CDC42BPA: variants seen among roughly 807,000 people sequenced by gnomAD.
The protein encoded by CDC42BPA is serine/threonine-protein kinase MRCK alpha.
Under a neutral mutation model 223.5 loss-of-function variants are expected in CDC42BPA, and 80 were observed. The ratio of observed to expected loss-of-function variants is 0.36; its 90% CI spans 0.30 to 0.43. The LOEUF (loss-of-function observed/expected upper bound fraction) is 0.43, where lower values mean the gene tolerates loss of function less well. CDC42BPA is among the 20% of genes least tolerant of loss of function. The pLI, the probability that CDC42BPA is intolerant of heterozygous loss-of-function variation, is 1.00. For missense variants in CDC42BPA, 1,743 were observed against 2,099.9 expected, an observed-to-expected ratio of 0.83 and a Z score of 3.32; for synonymous variants, 694 against 718.6, an observed-to-expected ratio of 0.97 and a Z score of 0.55.
At chr1:227,078,619 T>C (rs891006889) in intron 17 of CDC42BPA, among the ~76,000 whole-genome samples, 10 of 151,662 alleles carry the variant, frequency 6.6e-5, no homozygotes, top group Admixed American at 3.9e-4. Context: ...TCTAAAAGAG[T>C]TTCTGATGAA....
At chr1:227,288,555 C>T (rs544395722) in intron 1 of CDC42BPA, among the ~76,000 whole-genome samples, 5 of 151,970 alleles carry the variant, frequency 3.3e-5, no homozygotes, top group African/African-American at 4.8e-5. Flanking sequence ...AAAAATTAGC[C>T]GGGCGTGGTG....
At chr1:227,115,539 A>G (rs548541927) in intron 12 of CDC42BPA, among the ~76,000 whole-genome samples, 1 of 152,102 alleles carries the variant, frequency 6.6e-6, no homozygotes, top group Non-Finnish European at 1.5e-5. Flanking sequence ...TAGTGAATAT[A>G]AAGACGATCT....
intron 3 of CDC42BPA, among the ~76,000 whole-genome samples, chr1:227,210,044 T>TG (rs1180639986): frequency 6.6e-6 from 1 of 152,006 alleles, no homozygotes; most frequent in Non-Finnish European, 1.5e-5. Context: ...CTCCTGTTAT[T>TG]GGTCTATTCA....
chr1:227,184,407 C>A (rs1466295184), intron 5 of CDC42BPA, among the ~76,000 whole-genome samples: 1 of 150,542 alleles, frequency 6.6e-6, no homozygotes, highest in Non-Finnish European at 1.5e-5. Flanking sequence ...TTTTTGGTCT[C>A]TTATTTGAGC....
At chr1:227,282,967 T>C (rs1280299655) in intron 1 of CDC42BPA, among the ~76,000 whole-genome samples, 1 of 152,098 alleles carries the variant, frequency 6.6e-6, no homozygotes, top group African/African-American at 2.4e-5. Flanking sequence ...AACTATACAC[T>C]TAAAAAAGAT....
intron 5 of CDC42BPA, among the ~76,000 whole-genome samples, chr1:227,163,183 T>C (rs1268053769): frequency 1.3e-5 from 2 of 152,064 alleles, no homozygotes; most frequent in African/African-American, 4.8e-5. Flanking sequence ...TCCAAACATA[T>C]GTGTGTATGT....
intron 1 of CDC42BPA, among the ~76,000 whole-genome samples, chr1:227,302,784 ATTT>A (rs768701851): frequency 1.3e-5 from 2 of 150,008 alleles, no homozygotes; most frequent in Non-Finnish European, 3.0e-5. Flanking sequence ...TGGTCCTCTA[ATTT>A]TCTCCTCTAT....
chr1:227,051,932 G>T lies in CDC42BPA; in HGVS notation c.2958C>A (p.Ile986=). The stretch of plus-strand genomic sequence containing the variant: ...TGGAAGGAGATGTGGACCGTGACTG[G>T]ATGTGAAACTTGACGCTCGGGTTCC... ...YVWNPSVKFH[I]QSRSTSPSTS... Residue 986 remains isoleucine (I), a synonymous_variant, in exon 22 of 37, where the codon ATC becomes ATA. Coordinates refer to ENST00000366766, the MANE Select transcript of CDC42BPA (RefSeq NM_001394014.1). 7.3e-7 allele frequency: 1 copy of T among 1,366,540 alleles called. No individual in the cohort carries two copies. The highest frequency in any genetic ancestry group is 1.1e-5 in the South Asian group (1 of 88,046). 84.7% of individuals were successfully genotyped at this position (1,366,540 alleles called of 1,614,324 possible). A position where few individuals can be genotyped will look rare whatever the true frequency, so the allele number is the denominator to read the frequency against.
chr1:227,227,879 G>C (rs1299914903), intron 2 of CDC42BPA, among the ~76,000 whole-genome samples: 1 of 152,106 alleles, frequency 6.6e-6, no homozygotes, highest in Non-Finnish European at 1.5e-5. Flanking sequence ...AATGATAAAT[G>C]TTCCATGTGT....
At chr1:227,034,309 TTTTTA>T (rs1251059716) in intron 26 of CDC42BPA, among the ~76,000 whole-genome samples, 6 of 152,184 alleles carry the variant, frequency 3.9e-5, no homozygotes, top group Admixed American at 2.6e-4. Flanking sequence ...GCCTTTCTGA[TTTTTA>T]TTTTCTTTCC....
chr1:227,139,787 G>A, intron 9 of CDC42BPA, 45 bp from the exon 10 acceptor site: 1 of 1,252,966 alleles, frequency 8.0e-7, no homozygotes, highest in African/African-American at 1.5e-5. Flanking sequence ...GTGATAAAAA[G>A]CTTGAAGAAA....
chr1:227,069,227 TTGA>T (rs1379675291), intron 21 of CDC42BPA: 3 of 152,154 alleles, frequency 2.0e-5, no homozygotes, highest in Admixed American at 6.5e-5. Context: ...TAACAGTAAG[TTGA>T]TTTTTTTAAA....
intron 21 of CDC42BPA, among the ~76,000 whole-genome samples, chr1:227,067,099 A>G (rs117837702): frequency 2.6e-5 from 4 of 152,268 alleles, no homozygotes; most frequent in South Asian, 4.1e-4. Context: ...GTGCAATAAA[A>G]TTTACTTTTA....
At chr1:227,029,330 T>G in intron 29 of CDC42BPA, 80 bp from the exon 30 acceptor site, 1 of 916,894 alleles carries the variant, frequency 1.1e-6, no homozygotes, top group Middle Eastern at 2.9e-4. Flanking sequence ...AGGATGTAAG[T>G]CAACTTACAG....
rs538126960 is a variant in CDC42BPA at position 227,053,187 on chromosome 1, T to G, written c.2905-1202A>C. Among the ~76,000 whole-genome samples, 253 of 152,370 alleles carry G rather than the reference T, an allele frequency of 1.7e-3. 3 individuals are homozygous for G. The highest frequency in any genetic ancestry group is 5.2e-3 in the African/African-American group (218 of 41,588). The stretch of plus-strand genomic sequence containing the variant: ...ATACTATCAGCAATGTATGATATGT[T>G]GCATATGTTAAAAACAGTCAACTTC... On this transcript the variant is annotated intron_variant, in intron 21 of 36. Coordinates refer to ENST00000366766, the MANE Select transcript of CDC42BPA (RefSeq NM_001394014.1).
chr1:227,030,903 T>C (rs1422092995), intron 28 of CDC42BPA, among the ~76,000 whole-genome samples: 2 of 152,208 alleles, frequency 1.3e-5, no homozygotes, highest in Non-Finnish European at 2.9e-5. Flanking sequence ...AGGGGATTTC[T>C]TTCTTATGCA....
At position 226,990,299 on chromosome 1, in the gene CDC42BPA, C is replaced by A. The variant is rs1366396195; in HGVS notation, c.*3969G>T. ...TGATTTGAGTCAGCTTCCCCCGGAA[C>A]TGCACGGTGTCCTGTGTGGGGAGGG... On this transcript the variant is annotated 3_prime_UTR_variant, in exon 37 of 37. Coordinates refer to ENST00000366766, the MANE Select transcript of CDC42BPA (RefSeq NM_001394014.1). The A allele has an allele frequency of 6.6e-6, 1 of 152,286 alleles. No homozygotes were observed. Among genetic ancestry groups the A allele is most frequent in the Admixed American group, 6.5e-5 (1 of 15,282 alleles). The allele number at this position is 152,286 out of a possible 1,614,324, so 9.4% of individuals were successfully genotyped here.
At chr1:227,157,206 T>A (rs1410003245) in intron 6 of CDC42BPA, among the ~76,000 whole-genome samples, 1 of 152,240 alleles carries the variant, frequency 6.6e-6, no homozygotes, top group Non-Finnish European at 1.5e-5. Flanking sequence ...CCCACTTATT[T>A]ATTGCATATG....
chr1:227,281,848 C>T (rs16847561), intron 1 of CDC42BPA, among the ~76,000 whole-genome samples: 13,698 of 152,186 alleles, frequency 0.09, 730 homozygotes, highest in East Asian at 0.17. Flanking sequence ...CTACCTGGCT[C>T]TGGGTAAAAC....
Sources: allele counts gnomAD v4.1 joint callset (sites outside exome capture counted in the v4.1 genomes callset), GRCh38; gene constraint gnomAD v4.1.1; transcripts MANE v1.5; gene names NCBI Gene and HGNC (gene_info 2026-07-23, HGNC 2026-07-21).